LRRC4C: variants seen among roughly 807,000 people sequenced by gnomAD.
LRRC4C encodes the protein leucine rich repeat containing 4C, also known as leucine-rich repeat-containing protein 4C.
A neutral mutation model predicts 33.6 loss-of-function variants in LRRC4C; 5 were observed. The observed-to-expected ratio is 0.15, with a 90% CI of 0.08 to 0.31. The LOEUF is 0.31. Ranked by LOEUF, LRRC4C falls within the 10% of genes least tolerant of loss-of-function variation. The probability of loss-of-function intolerance (pLI) is 1.00; values close to 1 mark genes in which losing one functional copy is unlikely to be tolerated. For missense variants in LRRC4C, 560 were observed against 796.7 expected (o/e 0.70, Z 3.58); for synonymous variants, 329 against 302.0 (o/e 1.09, Z -0.93).
intron 5 of LRRC4C, among the ~76,000 whole-genome samples, chr11:40,157,794 T>G (rs2135311435): frequency 6.6e-6 from 1 of 152,190 alleles, no homozygotes; most frequent in Non-Finnish European, 1.5e-5. Context: ...CAGGGAACAC[T>G]TCTACACTGC....
intron 3 of LRRC4C, among the ~76,000 whole-genome samples, chr11:40,486,415 CA>C (rs1953868309): frequency 6.6e-6 from 1 of 151,950 alleles, no homozygotes; most frequent in East Asian, 1.9e-4. Context: ...CAGTCAACAT[CA>C]GGGGGAAAAT....
chr11:40,615,434 C>T (rs1961706504), intron 3 of LRRC4C, among the ~76,000 whole-genome samples: 1 of 151,280 alleles, frequency 6.6e-6, no homozygotes. Flanking sequence ...TGATTATCTT[C>T]ATAAATATTT....
intron 4 of LRRC4C, among the ~76,000 whole-genome samples, chr11:40,274,009 A>G (rs948649436): frequency 2.6e-5 from 4 of 152,078 alleles, no homozygotes; most frequent in Admixed American, 6.6e-5. Flanking sequence ...TTAAAAACCT[A>G]TCACTTTAAT....
intron 2 of LRRC4C, among the ~76,000 whole-genome samples, chr11:40,768,934 ATGCCCAC>A (rs1371336877): frequency 6.6e-6 from 1 of 152,134 alleles, no homozygotes; most frequent in African/African-American, 2.4e-5. Flanking sequence ...CATGAAAAGG[ATGCCCAC>A]TTTCACCACT....
At chr11:40,860,322 C>T (rs1203535569) in intron 2 of LRRC4C, among the ~76,000 whole-genome samples, 1 of 151,970 alleles carries the variant, frequency 6.6e-6, no homozygotes, top group African/African-American at 2.4e-5. Flanking sequence ...AAATTACCAC[C>T]AGCCGAGTAA....
chr11:41,116,047 C>T (rs116184483), intron 1 of LRRC4C, among the ~76,000 whole-genome samples: 2,556 of 152,200 alleles, frequency 0.017, 69 homozygotes, highest in African/African-American at 0.058. Context: ...ATTAATTAAC[C>T]TGTATTACTT....
chr11:41,032,159 G>A (rs998404939), intron 1 of LRRC4C, among the ~76,000 whole-genome samples: 7 of 152,032 alleles, frequency 4.6e-5, no homozygotes, highest in Non-Finnish European at 8.8e-5. Context: ...GAACCCAGGA[G>A]TTCATTCCAG....
chr11:40,381,267 T>C (rs769723352), intron 3 of LRRC4C, among the ~76,000 whole-genome samples: 19 of 150,296 alleles, frequency 1.3e-4, no homozygotes, highest in Non-Finnish European at 2.8e-4. Context: ...GGGAGTAGAA[T>C]GCAACGGTGG....
At chr11:41,150,566 C>T (rs1445118704) in intron 1 of LRRC4C, among the ~76,000 whole-genome samples, 12 of 151,834 alleles carry the variant, frequency 7.9e-5, no homozygotes, top group African/African-American at 2.4e-4. Context: ...CCAAGGTGGG[C>T]GGATCACGAG....
At chr11:40,958,838 G>A (rs545194726) in intron 1 of LRRC4C, among the ~76,000 whole-genome samples, 74 of 151,752 alleles carry the variant, frequency 4.9e-4, no homozygotes, top group African/African-American at 1.7e-3. Context: ...GAGCTATCAG[G>A]ATTCATAAAG....
chr11:40,731,191 T>C (rs35111007), intron 2 of LRRC4C, among the ~76,000 whole-genome samples: 55,758 of 150,524 alleles, frequency 0.37, 10,660 homozygotes, highest in African/African-American at 0.4. Flanking sequence ...TGGTGGCAAG[T>C]GCCTGTAGTC....
chr11:40,288,646 G>T lies in LRRC4C; in HGVS notation c.-176+30982C>A, dbSNP rs555290383. On this transcript the variant is annotated intron_variant, in intron 4 of 6. Transcript: ENST00000528697. Reference sequence around the variant, plus strand: ...GGGAAGATTTGCACGTGTAAACAATGACGTGTGTGTCTGCATTAAATCTTC... The same window carrying T: ...GGGAAGATTTGCACGTGTAAACAATTACGTGTGTGTCTGCATTAAATCTTC... Among the ~76,000 whole-genome samples, 15 of 152,308 alleles carry T rather than the reference G, an allele frequency of 9.8e-5. No homozygotes were observed. The East Asian group carries it at 2.9e-3, about 29-fold the overall frequency.
In LRRC4C at chr11:40,176,965, G is replaced by A. The variant is rs1226674890; in HGVS notation, c.-95-36112C>T. On this transcript the variant is annotated intron_variant, in intron 5 of 6. Coordinates refer to ENST00000528697, the MANE Select transcript of LRRC4C (RefSeq NM_001258419.2). ...TTTTTTTTTTTTGAGATGGAGTCTC[G>A]CTCTGTCGCCCAGGCTGGAGTGCAG... Among the ~76,000 whole-genome samples the A allele has an allele frequency of 1.2e-4, 13 of 105,550 alleles. No homozygotes were observed. The East Asian group carries it at 1.4e-3, about 12-fold the overall frequency. 69.2% of individuals were successfully genotyped at this position (105,550 alleles called of 152,430 possible). A position where few individuals can be genotyped will look rare whatever the true frequency, so the allele number is the denominator to read the frequency against.
At chr11:40,922,070 A>G (rs1158670589) in intron 2 of LRRC4C, among the ~76,000 whole-genome samples, 2 of 152,190 alleles carry the variant, frequency 1.3e-5, no homozygotes, top group Non-Finnish European at 2.9e-5. Context: ...CTAATTTTGT[A>G]TATTATAAAG....
At position 40,639,200 on chromosome 11, in the gene LRRC4C, A is replaced by G. The variant is rs143229622; in HGVS notation, c.-270+8942T>C. On this transcript the variant is annotated intron_variant, in intron 3 of 6. Transcript: ENST00000528697. ...AACTCTCTAGTTTCCATCAAAATCA[A>G]TTCAGCTAATTAGCAAATATAATAT... Among the ~76,000 whole-genome samples the G allele has an allele frequency of 1.6e-4, 25 of 152,284 alleles. 1 individual carries two copies. In the East Asian group the frequency reaches 2.3e-3, roughly 14 times the overall value.
At chr11:40,481,597 A>C (rs9804595) in intron 3 of LRRC4C, among the ~76,000 whole-genome samples, 1,864 of 152,246 alleles carry the variant, frequency 0.012, 44 homozygotes, top group Admixed American at 0.036. Context: ...ATTTTTGTTG[A>C]ATATAATATG....
chr11:40,407,810 A>T (rs1021962869), intron 3 of LRRC4C, among the ~76,000 whole-genome samples: 2 of 152,126 alleles, frequency 1.3e-5, no homozygotes. Context: ...AACTAAAGAA[A>T]TGTAAATTCC....
At chr11:40,574,908 G>T (rs1958125974) in intron 3 of LRRC4C, among the ~76,000 whole-genome samples, 1 of 152,144 alleles carries the variant, frequency 6.6e-6, no homozygotes, top group African/African-American at 2.4e-5. Context: ...CACTCTAGAA[G>T]GTTGCACGCC....
intron 1 of LRRC4C, among the ~76,000 whole-genome samples, chr11:41,406,713 C>G (rs1393499216): frequency 2.7e-5 from 1 of 36,524 alleles, no homozygotes; most frequent in East Asian, 1.6e-3. Context: ...TCACCACACA[C>G]ACACACACAC....
Sources: gnomAD v4.1 joint callset for allele counts (sites outside exome capture counted in the v4.1 genomes callset) on GRCh38, gnomAD v4.1.1 for gene constraint, MANE v1.5 for transcripts, NCBI Gene and HGNC (gene_info 2026-07-23, HGNC 2026-07-21) for gene names.